Variants in ADAMTS18 observed in about 807,000 individuals in gnomAD.
ADAMTS18 encodes the protein A disintegrin and metalloproteinase with thrombospondin motifs 18.
A neutral mutation model predicts 165.9 loss-of-function variants in ADAMTS18; 157 were observed. The observed-to-expected ratio is 0.95, with a 90% CI of 0.83 to 1.08. The LOEUF (loss-of-function observed/expected upper bound fraction) is 1.08. ADAMTS18 is among the 50% of genes least tolerant of loss of function. The pLI, the probability that ADAMTS18 is intolerant of heterozygous loss-of-function variation, is 0.00. For synonymous variants in ADAMTS18, 782 were observed against 578.2 expected (o/e 1.35, Z -5.06); for missense variants, 2,040 against 1,534.0 (o/e 1.33, Z -5.51).
chr16:77,347,908 T>C (rs1046635566), intron 10 of ADAMTS18, among the ~76,000 whole-genome samples: 2 of 152,176 alleles, frequency 1.3e-5, no homozygotes, highest in Non-Finnish European at 2.9e-5. Flanking sequence ...AGATTTCTTA[T>C]CTAGAAAATG....
At chr16:77,308,568 A>C (rs928191073) in intron 16 of ADAMTS18, among the ~76,000 whole-genome samples, 1 of 96,446 alleles carries the variant, frequency 1.0e-5, no homozygotes, top group African/African-American at 4.5e-5. Flanking sequence ...TGGATACCTT[A>C]GCTAATCATG....
At chr16:77,424,326 G>C (rs2144854606) in intron 3 of ADAMTS18, among the ~76,000 whole-genome samples, 1 of 152,286 alleles carries the variant, frequency 6.6e-6, no homozygotes, top group South Asian at 2.1e-4. Context: ...AAATTAGCCG[G>C]ACATGGCAGT....
intron 7 of ADAMTS18, among the ~76,000 whole-genome samples, chr16:77,360,215 G>C (rs1264144621): frequency 6.6e-6 from 1 of 152,170 alleles, no homozygotes; most frequent in Non-Finnish European, 1.5e-5. Flanking sequence ...CACAAATAAG[G>C]GGTGGGATCA....
At chr16:77,334,647 T>C (rs2056262117) in intron 12 of ADAMTS18, among the ~76,000 whole-genome samples, 1 of 113,790 alleles carries the variant, frequency 8.8e-6, no homozygotes, top group Non-Finnish European at 1.7e-5. Context: ...ATAGTGTATA[T>C]ACACTATATA....
chr16:77,414,915 TCTCC>T (rs1358533991), intron 3 of ADAMTS18, among the ~76,000 whole-genome samples: 1 of 152,124 alleles, frequency 6.6e-6, no homozygotes, highest in East Asian at 1.9e-4. Context: ...GAAGCCTCTG[TCTCC>T]CTCCAACTGC....
At chr16:77,327,949 T>C (rs2056123685) in intron 12 of ADAMTS18, among the ~76,000 whole-genome samples, 1 of 152,170 alleles carries the variant, frequency 6.6e-6, no homozygotes, top group Non-Finnish European at 1.5e-5. Flanking sequence ...GAGTATAATA[T>C]GACTGTTGTG....
chr16:77,430,403 C>T (rs963294143), intron 3 of ADAMTS18, among the ~76,000 whole-genome samples: 6 of 152,166 alleles, frequency 3.9e-5, no homozygotes, highest in South Asian at 2.1e-4. Flanking sequence ...CGCATTCACC[C>T]GTACCCAAGC....
intron 3 of ADAMTS18, among the ~76,000 whole-genome samples, chr16:77,419,292 T>C (rs1288800199): frequency 6.6e-6 from 1 of 152,192 alleles, no homozygotes; most frequent in Non-Finnish European, 1.5e-5. Flanking sequence ...ATTCCACTGC[T>C]AAGCTCACTC....
intron 3 of ADAMTS18, among the ~76,000 whole-genome samples, chr16:77,387,713 A>T (rs1052944575): frequency 3.3e-5 from 5 of 152,252 alleles, no homozygotes; most frequent in Non-Finnish European, 5.9e-5. Flanking sequence ...CTGCCAAAAA[A>T]ATTTTAAAAA....
chr16:77,399,430 T>C (rs999488567), intron 3 of ADAMTS18, among the ~76,000 whole-genome samples: 9 of 152,202 alleles, frequency 5.9e-5, no homozygotes, highest in South Asian at 2.1e-4. Context: ...CATTTATCTC[T>C]TAAAAGAAAG....
At chr16:77,351,058 G>T (rs935581749) in intron 10 of ADAMTS18, among the ~76,000 whole-genome samples, 3 of 152,160 alleles carry the variant, frequency 2.0e-5, no homozygotes, top group African/African-American at 7.2e-5. Flanking sequence ...TACTAGACAG[G>T]ATGAATAAGA....
intron 16 of ADAMTS18, among the ~76,000 whole-genome samples, chr16:77,308,450 G>T (rs945564818): frequency 6.6e-6 from 1 of 151,308 alleles, no homozygotes; most frequent in Non-Finnish European, 1.5e-5. Context: ...CAGACAAAGA[G>T]ACAGAGAAAG....
At chr16:77,354,627 A>C (rs974781561) in intron 9 of ADAMTS18, among the ~76,000 whole-genome samples, 3 of 152,098 alleles carry the variant, frequency 2.0e-5, no homozygotes, top group African/African-American at 7.2e-5. Flanking sequence ...GGTCCTAATC[A>C]ACCATGCAAC....
At chr16:77,360,730 G>C (rs1249795053) in intron 7 of ADAMTS18, among the ~76,000 whole-genome samples, 3 of 152,170 alleles carry the variant, frequency 2.0e-5, no homozygotes, top group Non-Finnish European at 4.4e-5. Flanking sequence ...ATGGTTAATT[G>C]TTAAAATAAA....
At chr16:77,412,354 G>T (rs1040736016) in intron 3 of ADAMTS18, among the ~76,000 whole-genome samples, 11 of 151,892 alleles carry the variant, frequency 7.2e-5, no homozygotes, top group Non-Finnish European at 1.3e-4. Context: ...TTGAGACAGG[G>T]TCTCGCTGTA....
Position 77,282,693 on chromosome 16 carries a change from G to C in ADAMTS18, c.*1263C>G, listed in dbSNP as rs546579003. 5 of 152,612 alleles carry C rather than the reference G, an allele frequency of 3.3e-5. No individual in the cohort carries two copies. The highest frequency in any genetic ancestry group is 1.2e-4 in the African/African-American group (5 of 41,516). 9.5% of individuals were successfully genotyped at this position (152,612 alleles called of 1,614,324 possible). Reference sequence around the variant, plus strand: ...TCTCAAAAAATTACAGGAGGACACAGTATTATAATTACTTTGGTTTTGGCA... The same window carrying C: ...TCTCAAAAAATTACAGGAGGACACACTATTATAATTACTTTGGTTTTGGCA... On this transcript the variant is annotated 3_prime_UTR_variant, in exon 23 of 23. Coordinates refer to ENST00000282849, the MANE Select transcript of ADAMTS18 (RefSeq NM_199355.4).
rs544538003 is a variant in ADAMTS18 at position 77,334,691 on chromosome 16, A to AG, written c.1859+1064_1859+1065insC. Among the ~76,000 whole-genome samples, 129 of 111,942 alleles carry AG rather than the reference A, an allele frequency of 1.2e-3. 3 individuals carry two copies. Among genetic ancestry groups the AG allele is most frequent in the African/African-American group, 4.4e-3 (127 of 28,744 alleles). The allele number at this position is 111,942 out of a possible 152,430, so 73.4% of individuals were successfully genotyped here. On this transcript the variant is annotated intron_variant, in intron 12 of 22. Coordinates refer to ENST00000282849, the MANE Select transcript of ADAMTS18 (RefSeq NM_199355.4). Reference sequence around the variant, plus strand: ...AGTGCATATACTATAGTATATATATATAGTATATATATACTGTATACTATA... The same window carrying AG: ...AGTGCATATACTATAGTATATATATAGTAGTATATATATACTGTATACTATA...
At chr16:77,333,804 A>AG (rs1295780147) in intron 12 of ADAMTS18, among the ~76,000 whole-genome samples, 1 of 148,152 alleles carries the variant, frequency 6.7e-6, no homozygotes, top group Non-Finnish European at 1.5e-5. Flanking sequence ...TAGATAGTAT[A>AG]GTACAGATAC....
intron 3 of ADAMTS18, among the ~76,000 whole-genome samples, chr16:77,391,465 C>A (rs1337676512): frequency 6.7e-6 from 1 of 149,896 alleles, no homozygotes; most frequent in African/African-American, 2.5e-5. Flanking sequence ...GCACTCCAGC[C>A]TGGGCAACAG....
Sources: allele counts gnomAD v4.1 joint callset (sites outside exome capture counted in the v4.1 genomes callset), GRCh38; gene constraint gnomAD v4.1.1; transcripts MANE v1.5; gene names NCBI Gene and HGNC (gene_info 2026-07-23, HGNC 2026-07-21).